Variants in SLC38A11 observed in about 807,000 individuals in gnomAD.
SLC38A11 encodes the protein solute carrier family 38 member 11, also known as putative sodium-coupled neutral amino acid transporter 11.
In SLC38A11, 51 loss-of-function variants were observed where a neutral mutation model predicts 49.4. That is an observed-to-expected ratio of 1.03 (90% confidence interval 0.83 to 1.30). The LOEUF (loss-of-function observed/expected upper bound fraction) is 1.30. Ranked by LOEUF, SLC38A11 falls within the 50% of genes most tolerant of loss-of-function variation. The pLI, the probability that SLC38A11 is intolerant of heterozygous loss-of-function variation, is 0.00. For synonymous variants in SLC38A11, 203 were observed against 192.9 expected, an observed-to-expected ratio of 1.05 and a Z score of -0.43; for missense variants, 574 against 556.2, an observed-to-expected ratio of 1.03 and a Z score of -0.32.
intron 9 of SLC38A11, chr2:164,911,980 G>C (rs1685437244): frequency 6.7e-6 from 2 of 299,150 alleles, no homozygotes; most frequent in Non-Finnish European, 1.2e-5. Flanking sequence ...GAGGTTTATA[G>C]CCTAGGAGCA....
Position 164,898,292 on chromosome 2 carries a change from C to A in SLC38A11, c.*145G>T, listed in dbSNP as rs936230148. On this transcript the variant is annotated 3_prime_UTR_variant, in exon 12 of 12. Coordinates refer to ENST00000685975, the MANE Select transcript of SLC38A11 (RefSeq NM_001351537.2). ...TACATTCAATTTTTCTTTTCTTTATCTTTTATATTGCACTACTCATAAAAG... is the reference window on the plus strand; with the variant it reads ...TACATTCAATTTTTCTTTTCTTTATATTTTATATTGCACTACTCATAAAAG... The A allele has an allele frequency of 6.5e-6, 4 of 614,546 alleles. No individual in the cohort carries two copies. In the African/African-American group the frequency reaches 7.5e-5, roughly 11 times the overall value. The allele number at this position is 614,546 out of a possible 1,614,324, so 38.1% of individuals were successfully genotyped here.
intron 3 of SLC38A11, among the ~76,000 whole-genome samples, chr2:164,948,187 C>A (rs966139779): frequency 2.0e-5 from 3 of 152,112 alleles, no homozygotes; most frequent in African/African-American, 4.8e-5. Context: ...GTTTAATGTC[C>A]ACCACAATGC....
Position 164,896,443 on chromosome 2 carries a change from A to G in SLC38A11, c.*1994T>C, listed in dbSNP as rs1018501693. Reference sequence around the variant, plus strand: ...ATCCTTGACATACTTTTCTTTGTACATGCTTAGAGATCTCATCCCTCATGA... The same window carrying G: ...ATCCTTGACATACTTTTCTTTGTACGTGCTTAGAGATCTCATCCCTCATGA... On this transcript the variant is annotated 3_prime_UTR_variant, in exon 12 of 12. Transcript: ENST00000685975. 1.3e-5 allele frequency: 2 copies of G among 152,160 alleles called. No homozygotes were observed. Among genetic ancestry groups the G allele is most frequent in the African/African-American group, 2.4e-5 (1 of 41,448 alleles). 9.4% of individuals were successfully genotyped at this position (152,160 alleles called of 1,614,324 possible). A position where few individuals can be genotyped will look rare whatever the true frequency, so the allele number is the denominator to read the frequency against.
At chr2:164,918,965 A>T (rs13432274) in intron 7 of SLC38A11, among the ~76,000 whole-genome samples, 11,419 of 152,234 alleles carry the variant, frequency 0.075, 1,196 homozygotes, top group African/African-American at 0.24. Context: ...ACTCAATATC[A>T]TATAAACATC....
At chr2:164,908,380 C>T (rs1179381454) in intron 11 of SLC38A11, among the ~76,000 whole-genome samples, 1 of 152,034 alleles carries the variant, frequency 6.6e-6, no homozygotes, top group Non-Finnish European at 1.5e-5. Flanking sequence ...ATATCCCTGG[C>T]CTCTATCCAC....
At chr2:164,944,765 A>G in intron 4 of SLC38A11, 131 bp from the exon 5 acceptor site, 2 of 371,004 alleles carry the variant, frequency 5.4e-6, no homozygotes, top group Admixed American at 4.6e-5. Flanking sequence ...TATTATGATT[A>G]CCAGTTTGGA....
intron 7 of SLC38A11, among the ~76,000 whole-genome samples, chr2:164,918,870 C>A (rs1685982196): frequency 6.6e-6 from 1 of 151,962 alleles, no homozygotes; most frequent in Non-Finnish European, 1.5e-5. Flanking sequence ...AAAAGATGTG[C>A]ATGATTTTAA....
At chr2:164,927,861 T>C (rs777670458) in intron 7 of SLC38A11, among the ~76,000 whole-genome samples, 1 of 152,194 alleles carries the variant, frequency 6.6e-6, no homozygotes, top group Non-Finnish European at 1.5e-5. Flanking sequence ...TTCCACAAAC[T>C]ATAAGGATCT....
intron 7 of SLC38A11, among the ~76,000 whole-genome samples, chr2:164,932,892 G>T (rs1037127634): frequency 3.9e-5 from 6 of 152,014 alleles, no homozygotes; most frequent in African/African-American, 1.4e-4. Context: ...TAAAAATTCA[G>T]TGGCTAATAT....
At chr2:164,944,537 T>G in intron 5 of SLC38A11, 32 bp downstream of exon 5, 1 of 1,085,970 alleles carries the variant, frequency 9.2e-7, no homozygotes, top group Non-Finnish European at 1.2e-6. Flanking sequence ...AATAAATATA[T>G]TTAAATCCTC....
At chr2:164,926,295 A>T (rs1251416272) in intron 7 of SLC38A11, among the ~76,000 whole-genome samples, 1 of 152,192 alleles carries the variant, frequency 6.6e-6, no homozygotes, top group African/African-American at 2.4e-5. Flanking sequence ...GCTTTCCTTC[A>T]TCTTCATCTC....
At chr2:164,942,339 G>A (rs1293100318) in intron 5 of SLC38A11, among the ~76,000 whole-genome samples, 6 of 151,092 alleles carry the variant, frequency 4.0e-5, no homozygotes, top group Non-Finnish European at 8.8e-5. Context: ...GGAGGCTGAG[G>A]TGGGAGGATC....
intron 2 of SLC38A11, among the ~76,000 whole-genome samples, chr2:164,953,594 C>T (rs1688663194): frequency 6.6e-6 from 1 of 151,880 alleles, no homozygotes; most frequent in African/African-American, 2.4e-5. Flanking sequence ...GTCCCTGTTT[C>T]CTTCTACTTT....
chr2:164,896,791 T>C lies in SLC38A11; in HGVS notation c.*1646A>G, dbSNP rs1414590036. 2.0e-5 allele frequency: 3 copies of C among 152,124 alleles called. No individual in the cohort carries two copies. Among genetic ancestry groups the C allele is most frequent in the Non-Finnish European group, 2.9e-5 (2 of 68,008 alleles). 9.4% of individuals were successfully genotyped at this position (152,124 alleles called of 1,614,324 possible). ...GCATGGTTCTACCTGCTAAAATGCA[T>C]CTTCCTTTATGTTCAATAGGCCTTT... On this transcript the variant is annotated 3_prime_UTR_variant, in exon 12 of 12. Coordinates refer to ENST00000685975, the MANE Select transcript of SLC38A11 (RefSeq NM_001351537.2).
intron 7 of SLC38A11, among the ~76,000 whole-genome samples, chr2:164,930,491 A>G (rs998173063): frequency 3.3e-5 from 5 of 152,144 alleles, no homozygotes; most frequent in African/African-American, 7.2e-5. Flanking sequence ...GTGAACATCA[A>G]TGCAAAAATA....
intron 7 of SLC38A11, among the ~76,000 whole-genome samples, chr2:164,931,570 CA>C: frequency 6.6e-6 from 1 of 152,070 alleles, no homozygotes; most frequent in Non-Finnish European, 1.5e-5. Context: ...GATACAAAAA[CA>C]AACACATAGA....
intron 5 of SLC38A11, among the ~76,000 whole-genome samples, chr2:164,940,204 A>G (rs1457957987): frequency 1.1e-4 from 16 of 141,374 alleles, no homozygotes; most frequent in Admixed American, 4.5e-4. Flanking sequence ...TCTTGGCTAT[A>G]TGGTCAAATA....
In SLC38A11 at chr2:164,955,168, C is replaced by T. The variant is rs1168634537; in HGVS notation, c.39+41G>A. 7 of 1,546,252 alleles carry T rather than the reference C, an allele frequency of 4.5e-6. No homozygotes were observed. In the East Asian group the frequency reaches 9.8e-5, roughly 22 times the overall value. On this transcript the variant is annotated intron_variant, in intron 1 of 11. Transcript: ENST00000685975. ...CCTGTTGCAAGGTGAATGAAATTTC[C>T]GGACAACTGGCTTCAGAACCTGCCT...
chr2:164,898,366 AG>A lies in SLC38A11; in HGVS notation c.*70del. On this transcript the variant is annotated 3_prime_UTR_variant, in exon 12 of 12. Transcript: ENST00000685975. ...TAATAATTTTATATAACATAAATAC[AG>A]ACTAAAGCAAGCGTAAATGTTATGT... 7 of 1,125,996 alleles carry A rather than the reference AG, an allele frequency of 6.2e-6. No homozygotes were observed. The highest frequency in any genetic ancestry group is 8.9e-6 in the Non-Finnish European group (7 of 786,962). The allele number at this position is 1,125,996 out of a possible 1,614,324, so 69.8% of individuals were successfully genotyped here.
Sources: allele counts gnomAD v4.1 joint callset (sites outside exome capture counted in the v4.1 genomes callset), GRCh38; gene constraint gnomAD v4.1.1; transcripts MANE v1.5; gene names NCBI Gene and HGNC (gene_info 2026-07-23, HGNC 2026-07-21).